Variants in CDH20 observed in about 807,000 individuals in gnomAD.
The protein encoded by CDH20 is cadherin 20.
CDH20 carries 29 observed loss-of-function variants against 74.2 expected under a neutral mutation model. The observed-to-expected ratio is 0.39, with a 90% CI of 0.29 to 0.53. The LOEUF is 0.53. CDH20 is among the 20% of genes least tolerant of loss of function. The pLI, the probability that CDH20 is intolerant of heterozygous loss-of-function variation, is 0.69. For synonymous variants in CDH20, 469 were observed against 405.4 expected (o/e 1.16, Z -1.88); for missense variants, 988 against 1,048.3 (o/e 0.94, Z 0.79).
Position 61,500,451 on chromosome 18 carries a change from G to T in CDH20, c.610G>T (p.Val204Leu). ...DPTYGNSARVVYSILQGQPYF... is the reference protein window; with the variant it reads ...DPTYGNSARVLYSILQGQPYF... ...GACCTACGGCAACAGTGCCAGGGTG[G>T]TGTACAGCATTCTTCAGGGCCAGCC... The change falls in exon 4 of 12, where the codon GTG becomes TTG. Residue 204 changes from valine (V) to leucine (L), a missense_variant. Physicochemically the swap from Val to Leu is conservative, Grantham distance 32 (BLOSUM62 1). Coordinates refer to ENST00000262717, the MANE Select transcript of CDH20 (RefSeq NM_031891.4). 1 of 1,612,972 alleles carries T rather than the reference G, an allele frequency of 6.2e-7. No individual in the cohort carries two copies.
chr18:61,503,912 C>A (rs761573585), intron 5 of CDH20, among the ~76,000 whole-genome samples: 1 of 152,176 alleles, frequency 6.6e-6, no homozygotes, highest in Non-Finnish European at 1.5e-5. Flanking sequence ...CATTCATTTA[C>A]TTATTCATTC....
intron 1 of CDH20, among the ~76,000 whole-genome samples, chr18:61,364,762 CAGATGCCA>C (rs1910806913): frequency 6.6e-6 from 1 of 152,208 alleles, no homozygotes; most frequent in Non-Finnish European, 1.5e-5. Flanking sequence ...AGGCTTGGCC[CAGATGCCA>C]GTCTTCCAGC....
chr18:61,348,169 G>A (rs1172403317), intron 1 of CDH20, among the ~76,000 whole-genome samples: 1 of 152,116 alleles, frequency 6.6e-6, no homozygotes, highest in Non-Finnish European at 1.5e-5. Flanking sequence ...AAGTGTGTTT[G>A]TGCCAAATGT....
intron 1 of CDH20, among the ~76,000 whole-genome samples, chr18:61,488,429 G>A (rs995730263): frequency 5.9e-5 from 9 of 152,016 alleles, no homozygotes; most frequent in South Asian, 2.1e-4. Context: ...TTCAAATGTC[G>A]GTTGGCACCT....
In CDH20 at chr18:61,493,640, C is replaced by T. The variant is rs555041858; in HGVS notation, c.246+2841C>T. 2.1e-3 allele frequency among the ~76,000 whole-genome samples: 320 copies of T among 152,318 alleles called. 4 individuals are homozygous for T. The highest frequency in any genetic ancestry group is 6.7e-3 in the African/African-American group (278 of 41,568). On this transcript the variant is annotated intron_variant, in intron 2 of 11. Transcript: ENST00000262717. ...CCTGCCCAGGACAGGCCCTGACTTCCGCTCATCAGGCCACATTCAAATTCC... is the reference window on the plus strand; with the variant it reads ...CCTGCCCAGGACAGGCCCTGACTTCTGCTCATCAGGCCACATTCAAATTCC...
chr18:61,472,081 G>T (rs1024181955), intron 1 of CDH20, among the ~76,000 whole-genome samples: 1 of 151,932 alleles, frequency 6.6e-6, no homozygotes, highest in African/African-American at 2.4e-5. Context: ...ATCCCCCAGG[G>T]CCTCAAATGT....
At chr18:61,352,816 C>T (rs1356809393) in intron 1 of CDH20, among the ~76,000 whole-genome samples, 1 of 152,170 alleles carries the variant, frequency 6.6e-6, no homozygotes, top group African/African-American at 2.4e-5. Context: ...ACACAAAATC[C>T]TTGGGTGGCC....
At chr18:61,524,790 A>T (rs8087675) in intron 6 of CDH20, among the ~76,000 whole-genome samples, 1 of 152,162 alleles carries the variant, frequency 6.6e-6, no homozygotes, top group African/African-American at 2.4e-5. Flanking sequence ...GCGTGGTGGC[A>T]CACACGTGTA....
At chr18:61,419,990 A>AT (rs1912822064) in intron 1 of CDH20, among the ~76,000 whole-genome samples, 1 of 152,102 alleles carries the variant, frequency 6.6e-6, no homozygotes, top group Non-Finnish European at 1.5e-5. Flanking sequence ...AAGGTCAAAG[A>AT]TTTTGTGAAG....
intron 1 of CDH20, among the ~76,000 whole-genome samples, chr18:61,343,470 C>T (rs1910018954): frequency 6.6e-6 from 1 of 152,176 alleles, no homozygotes; most frequent in African/African-American, 2.4e-5. Context: ...CAAGACCGCT[C>T]TGCTGGAGAA....
chr18:61,392,164 G>T (rs1274675401), intron 1 of CDH20, among the ~76,000 whole-genome samples: 1 of 151,860 alleles, frequency 6.6e-6, no homozygotes, highest in Non-Finnish European at 1.5e-5. Flanking sequence ...GACCTTTTCA[G>T]TTCTGCTCCC....
At chr18:61,499,649 C>A (rs1291990493) in intron 3 of CDH20, among the ~76,000 whole-genome samples, 169 bp downstream of exon 3, 1 of 152,162 alleles carries the variant, frequency 6.6e-6, no homozygotes, top group Non-Finnish European at 1.5e-5. Context: ...CGACCAAGCC[C>A]TTTGGCTGGC....
At chr18:61,441,965 C>T (rs774848926) in intron 1 of CDH20, among the ~76,000 whole-genome samples, 25 of 152,114 alleles carry the variant, frequency 1.6e-4, no homozygotes, top group Admixed American at 7.2e-4. Context: ...GAGGAAAAGA[C>T]GACCCCAGTA....
At chr18:61,397,410 G>T (rs189014843) in intron 1 of CDH20, among the ~76,000 whole-genome samples, 2 of 152,030 alleles carry the variant, frequency 1.3e-5, no homozygotes, top group Non-Finnish European at 2.9e-5. Context: ...CTGCAGCCCC[G>T]CAGCCCTGTG....
intron 1 of CDH20, among the ~76,000 whole-genome samples, chr18:61,467,236 T>C (rs913611853): frequency 1.3e-5 from 2 of 152,178 alleles, no homozygotes; most frequent in Admixed American, 6.5e-5. Context: ...GTGCAAATTG[T>C]AGTATTGGAA....
chr18:61,390,844 A>G (rs1289794424), intron 1 of CDH20, among the ~76,000 whole-genome samples: 3 of 152,198 alleles, frequency 2.0e-5, no homozygotes, highest in Non-Finnish European at 4.4e-5. Context: ...CCTCACACTG[A>G]ATTCCAAATA....
intron 6 of CDH20, among the ~76,000 whole-genome samples, chr18:61,514,716 A>G (rs1911921836): frequency 6.6e-6 from 1 of 150,770 alleles, no homozygotes. Context: ...TTTCCTTCTA[A>G]CAGACAGGAC....
chr18:61,529,716 T>G (rs1026731214), intron 7 of CDH20, among the ~76,000 whole-genome samples: 3 of 152,202 alleles, frequency 2.0e-5, no homozygotes, highest in African/African-American at 7.2e-5. Flanking sequence ...CATAGGCTAA[T>G]TAATCTATTC....
rs112653988 is a variant in CDH20 at position 61,549,847 on chromosome 18, T to C, written c.1649-131T>C. On this transcript the variant is annotated intron_variant, in intron 10 of 11. Coordinates refer to ENST00000262717, the MANE Select transcript of CDH20 (RefSeq NM_031891.4). ...GCTGATCCAGGCAAACCCGCCATGG[T>C]TGACCACTACCAGGGAATATCTGAC... is the stretch of plus-strand genomic sequence containing the variant. The C allele has an allele frequency of 4.0e-4, 382 of 967,084 alleles. 3 individuals are homozygous for C. The East Asian group carries it at 9.1e-3, about 23-fold the overall frequency. The allele number at this position is 967,084 out of a possible 1,614,324, so 59.9% of individuals were successfully genotyped here.
Sources: allele counts gnomAD v4.1 joint callset (sites outside exome capture counted in the v4.1 genomes callset), GRCh38; gene constraint gnomAD v4.1.1; transcripts MANE v1.5; gene names NCBI Gene and HGNC (gene_info 2026-07-23, HGNC 2026-07-21).